GLDN: variants seen among roughly 807,000 people sequenced by gnomAD.
The protein encoded by GLDN is gliomedin.
GLDN carries 47 observed loss-of-function variants against 56.5 expected under a neutral mutation model. The ratio of observed to expected loss-of-function variants is 0.83; its 90% CI spans 0.66 to 1.06. The LOEUF is 1.06. GLDN is among the 50% of genes least tolerant of loss of function. The pLI is 0.00. For missense variants in GLDN, 782 were observed against 714.3 expected (o/e 1.09, Z -1.08); for synonymous variants, 332 against 278.8 (o/e 1.19, Z -1.90).
rs780445833 is a variant in GLDN, at chr15:51,400,205, C to T, written c.831C>T (p.Ala277=). 6.2e-7 allele frequency: 1 copy of T among 1,614,114 alleles called. No homozygotes were observed. The highest frequency in any genetic ancestry group is 8.5e-7 in the Non-Finnish European group (1 of 1,179,974). ...TTGTCATTTTAGGTGAGACTTGTGC[C>T]ATACCAAATGATGATACCTTGGTTG... ...FNGQCPGETC[A]IPNDDTLVGK... The change falls in exon 7 of 10, where the codon GCC becomes GCT. Residue 277 remains alanine, a synonymous_variant. Coordinates refer to ENST00000335449, the MANE Select transcript of GLDN (RefSeq NM_181789.4).
chr15:51,412,940 T>A (rs935310645), downstream of GLDN, among the ~76,000 whole-genome samples: 3 of 152,104 alleles, frequency 2.0e-5, no homozygotes, highest in African/African-American at 7.2e-5. Flanking sequence ...GTTTGAAGAC[T>A]CTCGGTCTGG....
chr15:51,357,588 G>C (rs1410684427), intron 1 of GLDN, among the ~76,000 whole-genome samples: 1 of 152,146 alleles, frequency 6.6e-6, no homozygotes, highest in Non-Finnish European at 1.5e-5. Flanking sequence ...TGGGAGCATT[G>C]GTTTGCCTGG....
intron 4 of GLDN, among the ~76,000 whole-genome samples, chr15:51,391,620 C>T (rs2038022211): frequency 6.6e-6 from 1 of 152,226 alleles, no homozygotes; most frequent in Non-Finnish European, 1.5e-5. Flanking sequence ...GGGCTCTTCT[C>T]AAGTGAGTGA....
At position 51,341,998 on chromosome 15, in the gene GLDN, G is replaced by A. The variant is rs764097726; in HGVS notation, c.314G>A (p.Arg105His). Residue 105 changes from arginine (R) to histidine (H), a missense_variant, in exon 1 of 10, where the codon CGC becomes CAC. Transcript: ENST00000335449. Reference protein sequence around the residue: ...SHSGEPAPHIRAESHDMLMMM... With the variant: ...SHSGEPAPHIHAESHDMLMMM... Reference sequence around the variant, plus strand: ...AGCGGCGAGCCCGCGCCGCATATCCGCGCCGAGAGCCATGACATGCTGATG... The same window carrying A: ...AGCGGCGAGCCCGCGCCGCATATCCACGCCGAGAGCCATGACATGCTGATG... 2.5e-6 allele frequency: 4 copies of A among 1,597,840 alleles called. No individual in the cohort carries two copies. In the Admixed American group the frequency reaches 5.0e-5, roughly 20 times the overall value.
intron 1 of GLDN, among the ~76,000 whole-genome samples, chr15:51,355,443 G>A (rs746260155): frequency 2.1e-4 from 32 of 152,078 alleles, no homozygotes; most frequent in Middle Eastern, 3.2e-3. Flanking sequence ...AATGAGCAGT[G>A]AAGATGACCA....
chr15:51,369,802 G>A (rs2037478455), intron 1 of GLDN, among the ~76,000 whole-genome samples: 1 of 152,136 alleles, frequency 6.6e-6, no homozygotes, highest in Non-Finnish European at 1.5e-5. Flanking sequence ...GTTGAATTCA[G>A]ACAATTCCTT....
chr15:51,408,362 C>T (rs2038426531), downstream of GLDN, among the ~76,000 whole-genome samples: 2 of 152,156 alleles, frequency 1.3e-5, no homozygotes, highest in African/African-American at 4.8e-5. Context: ...TTGGGCAAGT[C>T]TCTTAATCCC....
intron 6 of GLDN, among the ~76,000 whole-genome samples, chr15:51,399,153 GC>G (rs1485971416): frequency 6.6e-6 from 1 of 152,174 alleles, no homozygotes; most frequent in Non-Finnish European, 1.5e-5. Context: ...CAGCAGGGTT[GC>G]CCATGGGAAG....
At position 51,400,253 on chromosome 15, in the gene GLDN, T is replaced by C. The variant is rs774231477; in HGVS notation, c.879T>C (p.Ser293=). ...TTGGAAAAGCTGATGAGAAAGCCAG[T>C]GAACACCATTCCCCACAAGCAGGTA... ...TLVGKADEKA[S]EHHSPQAESM... is the part of the protein sequence containing the mutation. Residue 293 remains serine (S), a synonymous_variant, in exon 7 of 10, where the codon AGT becomes AGC. Transcript: ENST00000335449. 5.6e-6 allele frequency: 9 copies of C among 1,614,184 alleles called. No individual in the cohort carries two copies. In the South Asian group the frequency reaches 9.9e-5, roughly 18 times the overall value.
Position 51,383,825 on chromosome 15 carries a change from G to A in GLDN, c.474G>A (p.Leu158=). ...GAGGLPGHNG[L]DGQPGPQGPK... is the part of the protein sequence containing the mutation. Reference sequence around the variant, plus strand: ...GCGGGTTGCCAGGACACAACGGATTGGATGGACAGCCTGGTCCTCAGGGCC... The same window carrying A: ...GCGGGTTGCCAGGACACAACGGATTAGATGGACAGCCTGGTCCTCAGGGCC... The change falls in exon 4 of 10, where the codon TTG becomes TTA. Residue 158 remains leucine, a synonymous_variant. Coordinates refer to ENST00000335449, the MANE Select transcript of GLDN (RefSeq NM_181789.4). 1.2e-6 allele frequency: 2 copies of A among 1,613,444 alleles called. No individual in the cohort carries two copies. Among genetic ancestry groups the A allele is most frequent in the Non-Finnish European group, 1.7e-6 (2 of 1,179,906 alleles).
At chr15:51,391,263 GAACATTT>G (rs2038013845) in intron 4 of GLDN, among the ~76,000 whole-genome samples, 1 of 151,228 alleles carries the variant, frequency 6.6e-6, no homozygotes, top group Non-Finnish European at 1.5e-5. Context: ...CAGGCAGCAG[GAACATTT>G]CCCTGTTTCA....
chr15:51,398,070 A>G (rs770549536), intron 6 of GLDN, among the ~76,000 whole-genome samples: 1 of 152,256 alleles, frequency 6.6e-6, no homozygotes, highest in Admixed American at 6.5e-5. Context: ...CAACAATCCT[A>G]TGATATTGAA....
intron 1 of GLDN, chr15:51,377,125 T>C: frequency 2.8e-6 from 1 of 363,114 alleles, no homozygotes; most frequent in Non-Finnish European, 5.0e-6. Flanking sequence ...CGTGCTATGC[T>C]TTTTACAATC....
intron 1 of GLDN, among the ~76,000 whole-genome samples, chr15:51,358,037 T>C (rs1176975707): frequency 2.6e-5 from 4 of 152,192 alleles, no homozygotes; most frequent in Non-Finnish European, 1.5e-5. Flanking sequence ...CATTTTTCCT[T>C]TGGTGCCCTA....
chr15:51,396,914 C>T (rs1239449281), intron 5 of GLDN, among the ~76,000 whole-genome samples: 2 of 152,312 alleles, frequency 1.3e-5, no homozygotes, highest in East Asian at 1.9e-4. Flanking sequence ...GGGTAATATA[C>T]ATAAATGTGT....
rs1566955235 is a variant in GLDN, at chr15:51,406,578, GGGA to G, written c.*1828_*1830del. ...TCCCAGCTACTTTGGAGGCAGGGATGGGAGGATCACTTGAGGCCAGGATCTCAG... is the reference window on the plus strand; with the variant it reads ...TCCCAGCTACTTTGGAGGCAGGGATGGGATCACTTGAGGCCAGGATCTCAG... On this transcript the variant is annotated 3_prime_UTR_variant, in exon 10 of 10. Transcript: ENST00000335449. 2 of 152,194 alleles carry G rather than the reference GGGA, an allele frequency of 1.3e-5. No homozygotes were observed. Among genetic ancestry groups the G allele is most frequent in the Non-Finnish European group, 2.9e-5 (2 of 68,048 alleles). The allele number at this position is 152,194 out of a possible 1,614,324, so 9.4% of individuals were successfully genotyped here.
At chr15:51,395,305 C>G (rs1216627400) in intron 5 of GLDN, among the ~76,000 whole-genome samples, 1 of 152,184 alleles carries the variant, frequency 6.6e-6, no homozygotes, top group East Asian at 1.9e-4. Context: ...AGGCAACTTA[C>G]GACACCTCAG....
At position 51,341,979 on chromosome 15, in the gene GLDN, G is replaced by A. The variant is rs1345802358; in HGVS notation, c.295G>A (p.Glu99Lys). 1.9e-6 allele frequency: 3 copies of A among 1,597,658 alleles called. No homozygotes were observed. Among genetic ancestry groups the A allele is most frequent in the Non-Finnish European group, 1.7e-6 (2 of 1,179,480 alleles). The change falls in exon 1 of 10, where the codon GAG becomes AAG. Residue 99 changes from glutamate (E) to lysine (K), a missense_variant. Glu to Lys is a moderately conservative substitution (Grantham distance 56). Coordinates refer to ENST00000335449, the MANE Select transcript of GLDN (RefSeq NM_181789.4). Reference protein sequence around the residue: ...SARNKRSHSGEPAPHIRAESH... With the variant: ...SARNKRSHSGKPAPHIRAESH... ...TCGCAACAAGCGCAGCCACAGCGGCGAGCCCGCGCCGCATATCCGCGCCGA... is the reference window on the plus strand; with the variant it reads ...TCGCAACAAGCGCAGCCACAGCGGCAAGCCCGCGCCGCATATCCGCGCCGA...
At chr15:51,351,208 A>C (rs182672333) in intron 1 of GLDN, 1 of 249,792 alleles carries the variant, frequency 4.0e-6, no homozygotes, top group East Asian at 9.8e-5. Flanking sequence ...ACAGGGTCTC[A>C]CTATGTTGCC....
Sources: allele counts gnomAD v4.1 joint callset (sites outside exome capture counted in the v4.1 genomes callset), GRCh38; gene constraint gnomAD v4.1.1; transcripts MANE v1.5; gene names NCBI Gene and HGNC (gene_info 2026-07-23, HGNC 2026-07-21).